UPB1: variants seen among roughly 807,000 people sequenced by gnomAD.
UPB1 encodes the protein beta-ureidopropionase.
Under a neutral mutation model 49.1 loss-of-function variants are expected in UPB1, and 40 were observed. That is an observed-to-expected ratio of 0.81 (90% CI 0.63 to 1.06). The LOEUF (loss-of-function observed/expected upper bound fraction) is 1.06, where lower values mean the gene tolerates loss of function less well. Ranked by LOEUF, UPB1 falls within the 50% of genes least tolerant of loss-of-function variation. The pLI, the probability that UPB1 is intolerant of heterozygous loss-of-function variation, is 0.00. For synonymous variants in UPB1, 207 were observed against 198.2 expected (o/e 1.04, Z -0.38); for missense variants, 499 against 505.9 (o/e 0.99, Z 0.13).
chr22:24,510,712 A>G, intron 3 of UPB1, 37 bp from the exon 4 acceptor site: 1 of 1,602,748 alleles, frequency 6.2e-7, no homozygotes, highest in Non-Finnish European at 8.5e-7. Context: ...GAGGCTGTGC[A>G]TGTTGGATAT....
In UPB1 at chr22:24,519,902, A is replaced by AC. The variant is rs535874406; in HGVS notation, c.792-483dup. 1.2e-3 allele frequency: 322 copies of AC among 258,836 alleles called. 2 individuals are homozygous for AC. Among genetic ancestry groups the AC allele is most frequent in the African/African-American group, 3.9e-3 (172 of 44,620 alleles). The allele number at this position is 258,836 out of a possible 1,614,324, so 16.0% of individuals were successfully genotyped here. ...GGCCCCCGGCTCCCTTCTGGCATTC[A>AC]CCAGGAGAGGTTCTGCCCAGCCCAG... On this transcript the variant is annotated intron_variant, in intron 6 of 9. Coordinates refer to ENST00000326010, the MANE Select transcript of UPB1 (RefSeq NM_016327.3).
intron 6 of UPB1, among the ~76,000 whole-genome samples, chr22:24,517,889 G>T (rs776288091): frequency 6.6e-6 from 1 of 152,224 alleles, no homozygotes; most frequent in South Asian, 2.1e-4. Context: ...GGAAGGCCAG[G>T]CACAGTAGCT....
chr22:24,505,477 T>G (rs115467825), intron 3 of UPB1, among the ~76,000 whole-genome samples: 14 of 152,322 alleles, frequency 9.2e-5, no homozygotes, highest in African/African-American at 3.4e-4. Context: ...CAGAGATTTT[T>G]CTGCCCTTGT....
At chr22:24,507,618 T>C (rs2044113913) in intron 3 of UPB1, among the ~76,000 whole-genome samples, 1 of 152,146 alleles carries the variant, frequency 6.6e-6, no homozygotes. Flanking sequence ...GAAATTTTCC[T>C]GTAATAAGAA....
At chr22:24,522,176 T>C in intron 8 of UPB1, 148 bp downstream of exon 8, 1 of 958,920 alleles carries the variant, frequency 1.0e-6, no homozygotes, top group Non-Finnish European at 1.6e-6. Flanking sequence ...CTCTGCTTTA[T>C]TGCCTGCAGT....
At chr22:24,502,005 C>T (rs769218337) in intron 2 of UPB1, 121 bp from the exon 3 acceptor site, 73 of 977,732 alleles carry the variant, frequency 7.5e-5, no homozygotes, top group Non-Finnish European at 1.1e-4. Flanking sequence ...TAGAACCTCC[C>T]CACCCTACTC....
chr22:24,519,809 G>GT (rs2044355728), intron 6 of UPB1: 1 of 174,068 alleles, frequency 5.7e-6, no homozygotes, highest in African/African-American at 2.4e-5. Flanking sequence ...GCATAGCAGA[G>GT]TAGGAGAGTT....
At position 24,506,157 on chromosome 22, in the gene UPB1, A is replaced by C. The variant is rs185892389; in HGVS notation, c.364+3944A>C. 7.4e-3 allele frequency among the ~76,000 whole-genome samples: 1,120 copies of C among 151,616 alleles called. 6 individuals carry two copies. Among genetic ancestry groups the C allele is most frequent in the South Asian group, 0.023 (111 of 4,814 alleles). On this transcript the variant is annotated intron_variant, in intron 3 of 9. Coordinates refer to ENST00000326010, the MANE Select transcript of UPB1 (RefSeq NM_016327.3). ...TGCCTCAGCCTCCTGAGTAGCTGGAATTACAGGCCTGTACCACCACACCCA... is the reference window on the plus strand; with the variant it reads ...TGCCTCAGCCTCCTGAGTAGCTGGACTTACAGGCCTGTACCACCACACCCA...
At position 24,525,716 on chromosome 22, in the gene UPB1, G is replaced by C. The variant is rs756054549; in HGVS notation, c.1077G>C (p.Thr359=). The part of the protein sequence containing the change: ...QVNDVWNFKM[T]GRYEMYAREL... ...CATCTGTGTTTTGCTTTCAGATGAC[G>C]GGCAGGTATGAGATGTACGCACGGG... Residue 359 remains threonine (T), a synonymous_variant, in exon 10 of 10, where the codon ACG becomes ACC. Coordinates refer to ENST00000326010, the MANE Select transcript of UPB1 (RefSeq NM_016327.3). The C allele has an allele frequency of 6.2e-7, 1 of 1,614,162 alleles. No individual in the cohort carries two copies. The highest frequency in any genetic ancestry group is 1.7e-5 in the Admixed American group (1 of 60,024).
Position 24,526,084 on chromosome 22 carries a change from A to C in UPB1, c.*290A>C. The C allele has an allele frequency of 2.4e-6, 1 of 415,612 alleles. No individual in the cohort carries two copies. The highest frequency in any genetic ancestry group is 3.6e-5 in the Admixed American group (1 of 28,054). The allele number at this position is 415,612 out of a possible 1,614,324, so 25.7% of individuals were successfully genotyped here. On this transcript the variant is annotated 3_prime_UTR_variant, in exon 10 of 10. Transcript: ENST00000326010. ...TATGTAAATTTTACCTCAACTAAAA[A>C]AAAAAATGCCCAGGTACTGCTTGTG... is the stretch of plus-strand genomic sequence containing the variant.
In UPB1 at chr22:24,515,279, T is replaced by C. The variant is rs1328878157; in HGVS notation, c.700T>C (p.Tyr234His). ...CGGAAGGATCGCGGTGAACATTTGC[T>C]ACGGGCGGCACCACCCCCTCAACTG... is the stretch of plus-strand genomic sequence containing the variant. ...QFGRIAVNIC[Y>H]GRHHPLNWLM... Residue 234 changes from tyrosine (Y) to histidine (H), a missense_variant, in exon 6 of 10, where the codon TAC becomes CAC. Coordinates refer to ENST00000326010, the MANE Select transcript of UPB1 (RefSeq NM_016327.3). 1.2e-6 allele frequency: 2 copies of C among 1,614,222 alleles called. No individual in the cohort carries two copies. The highest frequency in any genetic ancestry group is 1.7e-6 in the Non-Finnish European group (2 of 1,180,042).
intron 5 of UPB1, 54 bp downstream of exon 5, chr22:24,513,539 T>C: frequency 1.9e-6 from 3 of 1,580,294 alleles, no homozygotes; most frequent in South Asian, 1.2e-5. Context: ...CCTCTGTATG[T>C]TGTAGATCTC....
rs374304855 is a variant in UPB1, at chr22:24,526,769, G to C, written c.*975G>C. The C allele has an allele frequency of 5.9e-5, 9 of 152,082 alleles. No individual in the cohort carries two copies. Among genetic ancestry groups the C allele is most frequent in the African/African-American group, 2.2e-4 (9 of 41,398 alleles). The allele number at this position is 152,082 out of a possible 1,614,324, so 9.4% of individuals were successfully genotyped here. The stretch of plus-strand genomic sequence containing the variant: ...ATTTCCATAGAGTCAGGGTAAAGAG[G>C]GTAGTTGGTAGTCCATGGCATGGTG... On this transcript the variant is annotated 3_prime_UTR_variant, in exon 10 of 10. Coordinates refer to ENST00000326010, the MANE Select transcript of UPB1 (RefSeq NM_016327.3).
At chr22:24,497,640 G>A (rs1312173982) in intron 1 of UPB1, among the ~76,000 whole-genome samples, 1 of 152,188 alleles carries the variant, frequency 6.6e-6, no homozygotes, top group Non-Finnish European at 1.5e-5. Flanking sequence ...GAGGGGTAGA[G>A]GGTCTGAAAG....
At chr22:24,514,068 G>C (rs1013137276) in intron 5 of UPB1, among the ~76,000 whole-genome samples, 23 of 152,156 alleles carry the variant, frequency 1.5e-4, no homozygotes, top group African/African-American at 5.3e-4. Context: ...CAACCCCTGG[G>C]TGGGTAAGAT....
At position 24,509,361 on chromosome 22, in the gene UPB1, GA is replaced by G. The variant is rs202081655; in HGVS notation, c.365-1353del. Among the ~76,000 whole-genome samples the G allele has an allele frequency of 4.6e-3, 426 of 91,978 alleles. 1 individual carries two copies. The highest frequency in any genetic ancestry group is 0.014 in the East Asian group (43 of 3,024). 60.3% of individuals were successfully genotyped at this position (91,978 alleles called of 152,430 possible). On this transcript the variant is annotated intron_variant, in intron 3 of 9. Coordinates refer to ENST00000326010, the MANE Select transcript of UPB1 (RefSeq NM_016327.3). ...ATCTGTGTGTATGTACCTACTGTTT[GA>G]AAAAAAAAAAAAAAAAAAAAAAAAA...
At chr22:24,521,633 G>A (rs1405642600) in intron 7 of UPB1, among the ~76,000 whole-genome samples, 2 of 152,024 alleles carry the variant, frequency 1.3e-5, no homozygotes, top group East Asian at 1.9e-4. Context: ...CACACACCCC[G>A]GCCTGGGGTT....
intron 5 of UPB1, 63 bp downstream of exon 5, chr22:24,513,548 T>G (rs561462321): frequency 2.5e-6 from 4 of 1,570,464 alleles, no homozygotes; most frequent in Non-Finnish European, 3.4e-6. Flanking sequence ...GTTGTAGATC[T>G]CTGTGGGACT....
intron 9 of UPB1, among the ~76,000 whole-genome samples, 154 bp from the exon 10 acceptor site, chr22:24,525,557 G>A (rs559618902): frequency 1.6e-4 from 25 of 152,332 alleles, no homozygotes; most frequent in African/African-American, 5.5e-4. Context: ...CTTTGCCACA[G>A]TACTAGAATC....
Sources: gnomAD v4.1 joint callset for allele counts (sites outside exome capture counted in the v4.1 genomes callset) on GRCh38, gnomAD v4.1.1 for gene constraint, MANE v1.5 for transcripts, NCBI Gene and HGNC (gene_info 2026-07-23, HGNC 2026-07-21) for gene names.